KCNJ6: variants seen among roughly 807,000 people sequenced by gnomAD.
KCNJ6 encodes G protein-activated inward rectifier potassium channel 2.
Under a neutral mutation model 34.2 loss-of-function variants are expected in KCNJ6, and 9 were observed. The observed-to-expected ratio is 0.26, with a 90% CI of 0.16 to 0.46. The LOEUF (loss-of-function observed/expected upper bound fraction) is 0.46. Among genes scored for constraint, KCNJ6 ranks in the 20% least tolerant of loss-of-function variants. KCNJ6 has a pLI of 1.00. For missense variants in KCNJ6, 236 were observed against 531.3 expected (o/e 0.44, Z 5.46); for synonymous variants, 196 against 207.1 (o/e 0.95, Z 0.46).
At chr21:37,794,091 G>C (rs926544560) in intron 2 of KCNJ6, among the ~76,000 whole-genome samples, 2 of 152,218 alleles carry the variant, frequency 1.3e-5, no homozygotes, top group African/African-American at 4.8e-5. Flanking sequence ...CTGTGTATGT[G>C]TATGGACCCA....
intron 2 of KCNJ6, among the ~76,000 whole-genome samples, chr21:37,780,507 G>A (rs1289488588): frequency 6.6e-6 from 1 of 151,202 alleles, no homozygotes; most frequent in Non-Finnish European, 1.5e-5. Context: ...CATCAGTATT[G>A]TTACAATCAT....
intron 2 of KCNJ6, among the ~76,000 whole-genome samples, chr21:37,730,401 C>T (rs1273412877): frequency 6.6e-6 from 1 of 152,176 alleles, no homozygotes; most frequent in Non-Finnish European, 1.5e-5. Flanking sequence ...GCCACTTCTG[C>T]CTCAGAGTCT....
intron 3 of KCNJ6, among the ~76,000 whole-genome samples, chr21:37,689,990 A>G (rs573661665): frequency 6.6e-6 from 1 of 152,212 alleles, no homozygotes. Context: ...TTTTAGATAA[A>G]TTATTTCAAA....
intron 2 of KCNJ6, among the ~76,000 whole-genome samples, chr21:37,775,783 G>A (rs1284148631): frequency 1.1e-4 from 16 of 152,034 alleles, no homozygotes; most frequent in African/African-American, 2.2e-4. Context: ...GTCAGGTAGC[G>A]TGATGCCTCC....
intron 3 of KCNJ6, among the ~76,000 whole-genome samples, chr21:37,644,650 C>A (rs902038625): frequency 1.3e-5 from 2 of 152,214 alleles, no homozygotes; most frequent in African/African-American, 4.8e-5. Context: ...AAATTAAACA[C>A]AGCTTACGCC....
rs1569431041 is a variant in KCNJ6 at position 37,621,454 on chromosome 21, AAAGT to A, written c.*3701_*3704del. The A allele has an allele frequency of 6.6e-6, 1 of 152,262 alleles. No homozygotes were observed. The highest frequency in any genetic ancestry group is 1.5e-5 in the Non-Finnish European group (1 of 68,040). The allele number at this position is 152,262 out of a possible 1,614,324, so 9.4% of individuals were successfully genotyped here. On this transcript the variant is annotated 3_prime_UTR_variant, in exon 4 of 4. Coordinates refer to ENST00000609713, the MANE Select transcript of KCNJ6 (RefSeq NM_002240.5). ...TCTAAATAAAAAAGCAAAGGGGAAA[AAAGT>A]AAGAAAACTGAAATGTAAGAAAATG...
intron 3 of KCNJ6, among the ~76,000 whole-genome samples, chr21:37,633,671 A>T (rs900928382): frequency 2.6e-5 from 4 of 152,186 alleles, no homozygotes; most frequent in South Asian, 2.1e-4. Flanking sequence ...TACCAGCAAC[A>T]AATAAAAGAC....
intron 1 of KCNJ6, among the ~76,000 whole-genome samples, chr21:37,848,093 AGACAGCTGCTCAGGAGG>A (rs1466691327): frequency 6.6e-6 from 1 of 152,208 alleles, no homozygotes; most frequent in Non-Finnish European, 1.5e-5. Context: ...CCTGGAGGCC[AGACAGCTGCTCAGGAGG>A]GAGGCCAGGG....
intron 3 of KCNJ6, among the ~76,000 whole-genome samples, chr21:37,647,015 G>A (rs940870857): frequency 6.6e-6 from 1 of 152,128 alleles, no homozygotes; most frequent in African/African-American, 2.4e-5. Flanking sequence ...CTTCCAAGGT[G>A]GTGGAAATAG....
At chr21:37,866,750 C>T (rs1230325469) in intron 1 of KCNJ6, among the ~76,000 whole-genome samples, 1 of 152,184 alleles carries the variant, frequency 6.6e-6, no homozygotes, top group Non-Finnish European at 1.5e-5. Flanking sequence ...AGGACCATGT[C>T]TCTTGAGATC....
At chr21:37,846,404 T>C (rs964888134) in intron 1 of KCNJ6, among the ~76,000 whole-genome samples, 2 of 112,898 alleles carry the variant, frequency 1.8e-5, no homozygotes, top group Non-Finnish European at 3.7e-5. Context: ...TGTGTGTGTG[T>C]GAGGGAGAGA....
chr21:37,696,810 T>G (rs184513671), intron 3 of KCNJ6, among the ~76,000 whole-genome samples: 1 of 152,306 alleles, frequency 6.6e-6, no homozygotes, highest in East Asian at 1.9e-4. Context: ...AAAACTCACA[T>G]GTATACATGC....
At chr21:37,701,702 G>C (rs2054691937) in intron 3 of KCNJ6, among the ~76,000 whole-genome samples, 1 of 152,150 alleles carries the variant, frequency 6.6e-6, no homozygotes, top group African/African-American at 2.4e-5. Context: ...AGTGGTCAGG[G>C]AGCTAGTTTC....
Position 37,809,449 on chromosome 21 carries a change from A to G in KCNJ6, c.25+31209T>C, listed in dbSNP as rs369226078. 2.5e-3 allele frequency among the ~76,000 whole-genome samples: 381 copies of G among 152,034 alleles called. 7 individuals are homozygous for G. In the East Asian group the frequency reaches 0.052, roughly 21 times the overall value. ...TAAATGACGAGTTAATGGGTGCAGC[A>G]CACCAACATGGCACATGTATACACA... On this transcript the variant is annotated intron_variant, in intron 2 of 3. Transcript: ENST00000609713.
chr21:37,855,285 A>G lies in KCNJ6; in HGVS notation c.-27-14576T>C, dbSNP rs139100188. On this transcript the variant is annotated intron_variant, in intron 1 of 3. Transcript: ENST00000609713. ...TGCTGCAGTGAGGTTGCAGTTCTTC[A>G]GAAGTTTTTGGAGTACGATGTGGTT... Among the ~76,000 whole-genome samples, 1,518 of 152,248 alleles carry G rather than the reference A, an allele frequency of 1.0e-2. 10 individuals carry two copies. The highest frequency in any genetic ancestry group is 0.034 in the Middle Eastern group (10 of 294).
intron 1 of KCNJ6, among the ~76,000 whole-genome samples, chr21:37,896,088 G>A (rs66942900): frequency 0.16 from 25,087 of 152,122 alleles, 2,691 homozygotes; most frequent in East Asian, 0.57. Context: ...CAATCATGTC[G>A]GAAGGAAGAG....
At chr21:37,661,588 C>T (rs1223672453) in intron 3 of KCNJ6, among the ~76,000 whole-genome samples, 2 of 147,574 alleles carry the variant, frequency 1.4e-5, no homozygotes, top group African/African-American at 2.5e-5. Flanking sequence ...AAATTAGAAG[C>T]TCCACCCATT....
chr21:37,863,874 T>TTTTTTTTTTTTTTTTTC (rs1239573568), intron 1 of KCNJ6, among the ~76,000 whole-genome samples: 1 of 145,552 alleles, frequency 6.9e-6, no homozygotes, highest in Non-Finnish European at 1.5e-5. Context: ...TTTTTTTTTT[T>TTTTTTTTTTTTTTTTTC]TGGTGAAGAG....
chr21:37,810,814 A>T (rs541777435), intron 2 of KCNJ6, among the ~76,000 whole-genome samples: 2 of 152,322 alleles, frequency 1.3e-5, no homozygotes, highest in Non-Finnish European at 2.9e-5. Context: ...AGAGCTCCTT[A>T]AACTCTTGTA....
Sources: gnomAD v4.1 joint callset for allele counts (sites outside exome capture counted in the v4.1 genomes callset) on GRCh38, gnomAD v4.1.1 for gene constraint, MANE v1.5 for transcripts, NCBI Gene and HGNC (gene_info 2026-07-23, HGNC 2026-07-21) for gene names.